Variants in GRID2 observed in about 807,000 individuals in gnomAD.
GRID2 encodes the protein glutamate ionotropic receptor delta type subunit 2.
In GRID2, 33 loss-of-function variants were observed where a neutral mutation model predicts 114.8. The ratio of observed to expected loss-of-function variants is 0.29; its 90% CI spans 0.22 to 0.38. The LOEUF is 0.38. Among genes scored for constraint, GRID2 ranks in the 10% least tolerant of loss-of-function variants. The probability of loss-of-function intolerance (pLI) is 1.00; values close to 1 mark genes in which losing one functional copy is unlikely to be tolerated. For missense variants in GRID2, 1,184 were observed against 1,257.7 expected, an observed-to-expected ratio of 0.94 and a Z score of 0.89; for synonymous variants, 505 against 449.9, an observed-to-expected ratio of 1.12 and a Z score of -1.55.
chr4:92,733,604 G>A (rs1736437737), intron 2 of GRID2, among the ~76,000 whole-genome samples: 1 of 152,070 alleles, frequency 6.6e-6, no homozygotes, highest in Admixed American at 6.6e-5. Context: ...ACATCTCACT[G>A]GCAAGGCTGC....
chr4:92,783,491 A>T (rs1739179697), intron 2 of GRID2, among the ~76,000 whole-genome samples: 1 of 152,136 alleles, frequency 6.6e-6, no homozygotes, highest in African/African-American at 2.4e-5. Flanking sequence ...TATGTGAATT[A>T]ATTCAAATAT....
At chr4:92,475,671 G>A (rs1330481725) in intron 1 of GRID2, among the ~76,000 whole-genome samples, 2 of 151,848 alleles carry the variant, frequency 1.3e-5, no homozygotes, top group East Asian at 1.9e-4. Flanking sequence ...TTATGGTTCT[G>A]TAATGAATTT....
intron 14 of GRID2, among the ~76,000 whole-genome samples, chr4:93,708,565 G>A (rs1394329635): frequency 1.3e-5 from 2 of 151,874 alleles, no homozygotes; most frequent in Non-Finnish European, 2.9e-5. Context: ...CTCTATAGGC[G>A]AAGTGTGTTT....
intron 2 of GRID2, among the ~76,000 whole-genome samples, chr4:93,036,689 A>G (rs1724966727): frequency 6.6e-6 from 1 of 152,252 alleles, no homozygotes; most frequent in African/African-American, 2.4e-5. Flanking sequence ...ACTTTCTTTT[A>G]TGTATTACTA....
chr4:93,549,774 T>C (rs2149540646), intron 13 of GRID2, among the ~76,000 whole-genome samples: 1 of 152,318 alleles, frequency 6.6e-6, no homozygotes, highest in African/African-American at 2.4e-5. Flanking sequence ...AAACCAAATG[T>C]GTCAGCCTAT....
chr4:92,357,526 T>C (rs2110194984), intron 1 of GRID2, among the ~76,000 whole-genome samples: 1 of 151,966 alleles, frequency 6.6e-6, no homozygotes, highest in South Asian at 2.1e-4. Context: ...GTAATAGCCA[T>C]TCATACATAT....
At chr4:93,463,728 G>C (rs1328021587) in intron 11 of GRID2, among the ~76,000 whole-genome samples, 1 of 151,666 alleles carries the variant, frequency 6.6e-6, no homozygotes, top group Admixed American at 6.6e-5. Flanking sequence ...GGTGGCTCAC[G>C]CCTGTAATCC....
At chr4:93,550,661 TA>T (rs1173726393) in intron 13 of GRID2, among the ~76,000 whole-genome samples, 2 of 152,226 alleles carry the variant, frequency 1.3e-5, no homozygotes, top group Non-Finnish European at 2.9e-5. Context: ...TCAAGTGACA[TA>T]ATTTCTCAAA....
chr4:93,047,852 A>G (rs1726295000), intron 2 of GRID2, among the ~76,000 whole-genome samples: 1 of 150,712 alleles, frequency 6.6e-6, no homozygotes, highest in East Asian at 2.0e-4. Flanking sequence ...CCCCTAGGTC[A>G]CTCTGATGAC....
chr4:92,470,211 A>T (rs1223860582), intron 1 of GRID2, among the ~76,000 whole-genome samples: 1 of 151,972 alleles, frequency 6.6e-6, no homozygotes, highest in East Asian at 1.9e-4. Flanking sequence ...CTAAGCTATA[A>T]TTGGATGTGG....
At chr4:92,485,959 A>T (rs1015578729) in intron 1 of GRID2, among the ~76,000 whole-genome samples, 1 of 151,968 alleles carries the variant, frequency 6.6e-6, no homozygotes, top group Non-Finnish European at 1.5e-5. Context: ...TCATGTAAAT[A>T]TACAGTAGAT....
At chr4:92,823,142 A>G (rs1741411309) in intron 2 of GRID2, 1 of 152,182 alleles carries the variant, frequency 6.6e-6, no homozygotes, top group Non-Finnish European at 1.5e-5. Context: ...ATTATGTACA[A>G]AAGTATCTTG....
chr4:93,094,174 T>C (rs1237003505), intron 3 of GRID2, among the ~76,000 whole-genome samples: 3 of 152,072 alleles, frequency 2.0e-5, no homozygotes, highest in Admixed American at 1.3e-4. Flanking sequence ...GTTTATTTGC[T>C]TTCTATTAAG....
intron 1 of GRID2, among the ~76,000 whole-genome samples, chr4:92,347,861 T>C (rs1185289441): frequency 6.6e-6 from 1 of 152,160 alleles, no homozygotes; most frequent in African/African-American, 2.4e-5. Flanking sequence ...TAATATTATA[T>C]TGTAATATTA....
intron 2 of GRID2, among the ~76,000 whole-genome samples, chr4:92,612,107 A>G (rs935748954): frequency 2.0e-5 from 3 of 151,334 alleles, no homozygotes; most frequent in African/African-American, 7.3e-5. Context: ...CCTATATTTA[A>G]CTTTTATATG....
chr4:92,710,931 T>C (rs1387737770), intron 2 of GRID2, among the ~76,000 whole-genome samples: 1 of 151,938 alleles, frequency 6.6e-6, no homozygotes, highest in Non-Finnish European at 1.5e-5. Context: ...CAGTGTTTTT[T>C]TTTTAATTAT....
chr4:92,477,295 T>A (rs961499549), intron 1 of GRID2, among the ~76,000 whole-genome samples: 16 of 152,116 alleles, frequency 1.1e-4, no homozygotes, highest in Admixed American at 3.9e-4. Context: ...GTTAACCTTA[T>A]TTTAGTATTA....
chr4:92,829,008 CTTTAG>C (rs1285099569), intron 2 of GRID2, among the ~76,000 whole-genome samples: 2 of 152,068 alleles, frequency 1.3e-5, no homozygotes, highest in African/African-American at 4.8e-5. Flanking sequence ...TGCAGAAGCT[CTTTAG>C]TTTAATTAGA....
chr4:92,544,591 C>T (rs1248063085), intron 1 of GRID2, among the ~76,000 whole-genome samples: 1 of 152,114 alleles, frequency 6.6e-6, no homozygotes, highest in Non-Finnish European at 1.5e-5. Context: ...CTGTGAACTG[C>T]ATTTTAACAT....
Sources: gnomAD v4.1 joint callset for allele counts (sites outside exome capture counted in the v4.1 genomes callset) on GRCh38, gnomAD v4.1.1 for gene constraint, MANE v1.5 for transcripts, NCBI Gene and HGNC (gene_info 2026-07-23, HGNC 2026-07-21) for gene names.